The following CTNNA3 variants were observed in gnomAD, a reference collection of about 807,000 sequenced individuals.
CTNNA3 encodes the protein catenin alpha 3, also known as catenin alpha-3.
A neutral mutation model predicts 95.7 loss-of-function variants in CTNNA3; 76 were observed. The observed-to-expected ratio is 0.79, with a 90% confidence interval of 0.66 to 0.96. The LOEUF (loss-of-function observed/expected upper bound fraction) is 0.96. Ranked by LOEUF, CTNNA3 falls within the 40% of genes least tolerant of loss-of-function variation. The pLI is 0.00. For missense variants in CTNNA3, 1,191 were observed against 1,089.8 expected, an observed-to-expected ratio of 1.09 and a Z score of -1.31; for synonymous variants, 431 against 374.4, an observed-to-expected ratio of 1.15 and a Z score of -1.74.
intron 5 of CTNNA3, among the ~76,000 whole-genome samples, chr10:67,376,783 A>T (rs1203616565): frequency 2.0e-5 from 3 of 152,234 alleles, no homozygotes; most frequent in African/African-American, 7.2e-5. Flanking sequence ...AACCCTCTTA[A>T]GGGAACTCTT....
chr10:66,330,125 T>C (rs914263621), intron 12 of CTNNA3, among the ~76,000 whole-genome samples: 1 of 152,018 alleles, frequency 6.6e-6, no homozygotes, highest in African/African-American at 2.4e-5. Flanking sequence ...GGTAAAAGTT[T>C]GTTACATATG....
chr10:66,835,682 A>G (rs1201637093), intron 7 of CTNNA3, among the ~76,000 whole-genome samples: 1 of 152,200 alleles, frequency 6.6e-6, no homozygotes, highest in Non-Finnish European at 1.5e-5. Context: ...TGAAAGCTTA[A>G]TAAGTACAAT....
chr10:66,688,145 C>T (rs1157624020), intron 9 of CTNNA3, among the ~76,000 whole-genome samples: 1 of 152,082 alleles, frequency 6.6e-6, no homozygotes, highest in Admixed American at 6.6e-5. Flanking sequence ...TAGAAGGAAA[C>T]AGGATTTACA....
At chr10:66,471,556 C>T (rs1442421625) in intron 11 of CTNNA3, among the ~76,000 whole-genome samples, 1 of 151,662 alleles carries the variant, frequency 6.6e-6, no homozygotes, top group African/African-American at 2.4e-5. Flanking sequence ...CAACAATTTT[C>T]ACGCCAGTGA....
chr10:66,002,916 C>G (rs1302978887), intron 15 of CTNNA3, among the ~76,000 whole-genome samples: 3 of 152,180 alleles, frequency 2.0e-5, no homozygotes, highest in Admixed American at 2.0e-4. Flanking sequence ...TGCCTTTGCA[C>G]ATGATCCCAG....
At chr10:67,369,088 C>T (rs1843320623) in intron 5 of CTNNA3, among the ~76,000 whole-genome samples, 1 of 152,012 alleles carries the variant, frequency 6.6e-6, no homozygotes. Context: ...ACAGCAAAAC[C>T]CTGTCACTAA....
intron 12 of CTNNA3, among the ~76,000 whole-genome samples, chr10:66,322,136 T>C (rs1218002754): frequency 1.3e-5 from 2 of 152,112 alleles, no homozygotes; most frequent in Admixed American, 6.5e-5. Context: ...TGGAAAACCA[T>C]TGAAGAGCTC....
intron 7 of CTNNA3, among the ~76,000 whole-genome samples, chr10:66,806,751 CAT>C (rs886728205): frequency 2.2e-4 from 20 of 91,766 alleles, no homozygotes; most frequent in African/African-American, 7.0e-4. Context: ...GAGAATGTGG[CAT>C]ATATGTGTGT....
At chr10:67,376,870 T>C (rs1564609069) in intron 5 of CTNNA3, among the ~76,000 whole-genome samples, 1 of 152,208 alleles carries the variant, frequency 6.6e-6, no homozygotes. Flanking sequence ...GCCAGGGCAC[T>C]TCAGAGATAT....
intron 13 of CTNNA3, among the ~76,000 whole-genome samples, chr10:66,195,137 A>G (rs1448929142): frequency 6.6e-6 from 1 of 152,066 alleles, no homozygotes; most frequent in Non-Finnish European, 1.5e-5. Flanking sequence ...TGATAAATGG[A>G]GCCTACAGAT....
chr10:67,371,911 G>C (rs1251187406), intron 5 of CTNNA3, among the ~76,000 whole-genome samples: 1 of 152,100 alleles, frequency 6.6e-6, no homozygotes, highest in Non-Finnish European at 1.5e-5. Flanking sequence ...ACTTTTTAAT[G>C]ATTGCCATTC....
At chr10:66,876,670 A>C (rs1330979449) in intron 7 of CTNNA3, among the ~76,000 whole-genome samples, 1 of 148,478 alleles carries the variant, frequency 6.7e-6, no homozygotes, top group Admixed American at 6.8e-5. Context: ...AGAAATTCTA[A>C]ATTCGGCCCT....
intron 7 of CTNNA3, among the ~76,000 whole-genome samples, chr10:66,884,510 G>A (rs918742120): frequency 2.6e-5 from 4 of 152,034 alleles, no homozygotes; most frequent in Non-Finnish European, 5.9e-5. Flanking sequence ...CAAAGGACTG[G>A]GGCCTCCTGC....
At chr10:67,386,254 G>A (rs540888342) in intron 5 of CTNNA3, among the ~76,000 whole-genome samples, 1 of 152,284 alleles carries the variant, frequency 6.6e-6, no homozygotes, top group African/African-American at 2.4e-5. Context: ...AGCATAAGGA[G>A]TTCTTACTTT....
chr10:67,691,565 G>A (rs1301772150), intron 1 of CTNNA3, among the ~76,000 whole-genome samples: 1 of 151,334 alleles, frequency 6.6e-6, no homozygotes, highest in East Asian at 2.0e-4. Flanking sequence ...GATGTGAGGA[G>A]CGTCTCTGCC....
At chr10:66,640,725 C>T (rs1845488193) in intron 9 of CTNNA3, among the ~76,000 whole-genome samples, 1 of 152,094 alleles carries the variant, frequency 6.6e-6, no homozygotes, top group Non-Finnish European at 1.5e-5. Context: ...CACAGTTCCC[C>T]AGGGAAGAAT....
At chr10:66,764,200 C>G (rs114841370) in intron 9 of CTNNA3, among the ~76,000 whole-genome samples, 2,847 of 152,146 alleles carry the variant, frequency 0.019, 71 homozygotes, top group African/African-American at 0.065. Flanking sequence ...TTTCAGTCTC[C>G]CAATAGTTCA....
intron 13 of CTNNA3, chr10:66,118,442 T>C (rs192551511): frequency 1.3e-5 from 2 of 152,306 alleles, no homozygotes; most frequent in East Asian, 3.9e-4. Context: ...AATAATAACA[T>C]ATACTATTCT....
intron 13 of CTNNA3, among the ~76,000 whole-genome samples, chr10:66,130,460 T>A (rs1589494663): frequency 6.8e-6 from 1 of 147,334 alleles, no homozygotes; most frequent in African/African-American, 2.5e-5. Context: ...TAAGATAAAC[T>A]GCTAGCTAGA....
Sources: allele counts gnomAD v4.1 joint callset (sites outside exome capture counted in the v4.1 genomes callset), GRCh38; gene constraint gnomAD v4.1.1; transcripts MANE v1.5; gene names NCBI Gene and HGNC (gene_info 2026-07-23, HGNC 2026-07-21).